EIF4G3: variants seen among roughly 807,000 people sequenced by gnomAD.
EIF4G3 encodes eIF-4-gamma 3.
Under a neutral mutation model 186.4 loss-of-function variants are expected in EIF4G3, and 34 were observed. The ratio of observed to expected loss-of-function variants is 0.18; its 90% CI spans 0.14 to 0.24. The LOEUF is 0.24. Ranked by LOEUF, EIF4G3 falls within the 10% of genes least tolerant of loss-of-function variation. The pLI is 1.00. For synonymous variants in EIF4G3, 673 were observed against 679.5 expected, an observed-to-expected ratio of 0.99 and a Z score of 0.15; for missense variants, 1,536 against 1,948.5, an observed-to-expected ratio of 0.79 and a Z score of 3.99.
chr1:21,090,180 G>T (rs929444347), intron 2 of EIF4G3, among the ~76,000 whole-genome samples: 2 of 151,986 alleles, frequency 1.3e-5, no homozygotes, highest in African/African-American at 4.8e-5. Flanking sequence ...TTACATAGAT[G>T]GTATGCAATA....
At chr1:20,889,980 G>GTT (rs1003364631) in intron 18 of EIF4G3, among the ~76,000 whole-genome samples, 5 of 140,658 alleles carry the variant, frequency 3.6e-5, no homozygotes, top group Non-Finnish European at 3.1e-5. Flanking sequence ...TTGGTTTTTT[G>GTT]TTTTTTTTTT....
intron 2 of EIF4G3, among the ~76,000 whole-genome samples, chr1:21,147,807 CA>C (rs2097476233): frequency 1.3e-5 from 2 of 151,888 alleles, no homozygotes; most frequent in Admixed American, 1.3e-4. Flanking sequence ...ATCAAATCAA[CA>C]AAAATTGAAA....
chr1:20,808,889 C>A (rs899454036), intron 36 of EIF4G3, among the ~76,000 whole-genome samples: 2 of 152,074 alleles, frequency 1.3e-5, no homozygotes, highest in African/African-American at 4.8e-5. Context: ...TTATTATAGT[C>A]AGCTCTCCGA....
At chr1:21,162,939 G>T (rs1034354696) in intron 2 of EIF4G3, among the ~76,000 whole-genome samples, 9 of 152,172 alleles carry the variant, frequency 5.9e-5, no homozygotes, top group African/African-American at 2.2e-4. Context: ...TTATGGTTAG[G>T]CAAGTTGCCC....
At chr1:21,090,283 T>G (rs2096143625) in intron 2 of EIF4G3, among the ~76,000 whole-genome samples, 1 of 152,158 alleles carries the variant, frequency 6.6e-6, no homozygotes, top group African/African-American at 2.4e-5. Context: ...AAGACAAATT[T>G]CAGAAATAAA....
chr1:20,833,739 C>G (rs2065949610), intron 30 of EIF4G3, among the ~76,000 whole-genome samples: 1 of 152,088 alleles, frequency 6.6e-6, no homozygotes, highest in South Asian at 2.1e-4. Flanking sequence ...AAGCCTTTGA[C>G]AAAATTCAAC....
At chr1:21,003,651 G>T in intron 4 of EIF4G3, 1 of 356,432 alleles carries the variant, frequency 2.8e-6, no homozygotes, top group East Asian at 8.6e-5. Flanking sequence ...CTGACAGGAT[G>T]AGAGCAGATT....
At chr1:21,018,409 A>C (rs1317713094) in intron 4 of EIF4G3, among the ~76,000 whole-genome samples, 1 of 152,066 alleles carries the variant, frequency 6.6e-6, no homozygotes, top group African/African-American at 2.4e-5. Flanking sequence ...GTCTCTACTA[A>C]AAATACAGGG....
chr1:21,090,155 A>C (rs929587179), intron 2 of EIF4G3, among the ~76,000 whole-genome samples: 3 of 152,244 alleles, frequency 2.0e-5, no homozygotes, highest in Non-Finnish European at 2.9e-5. Flanking sequence ...AGTACAAGCA[A>C]AACTATTAGT....
intron 14 of EIF4G3, among the ~76,000 whole-genome samples, chr1:20,938,827 G>A (rs2095605792): frequency 1.3e-5 from 2 of 152,146 alleles, no homozygotes; most frequent in Non-Finnish European, 2.9e-5. Flanking sequence ...ACAAACTGCT[G>A]GCCAGGTGTG....
intron 34 of EIF4G3, 91 bp from the exon 35 acceptor site, chr1:20,813,330 G>A (rs1284670136): frequency 3.7e-5 from 29 of 785,172 alleles, no homozygotes; most frequent in South Asian, 3.2e-4. Context: ...TTGGGAGGCC[G>A]AGACAGGAGG....
At chr1:21,079,108 G>A (rs1339625001) in intron 3 of EIF4G3, among the ~76,000 whole-genome samples, 1 of 152,138 alleles carries the variant, frequency 6.6e-6, no homozygotes, top group Non-Finnish European at 1.5e-5. Context: ...TAGTTTAAAT[G>A]ATATATTTGC....
chr1:21,072,173 A>T (rs1042309210), intron 3 of EIF4G3, among the ~76,000 whole-genome samples: 1 of 152,198 alleles, frequency 6.6e-6, no homozygotes, highest in Non-Finnish European at 1.5e-5. Flanking sequence ...TTCTAAGGTA[A>T]TAAAGTTGGA....
At chr1:20,870,501 C>A (rs1231834048) in intron 20 of EIF4G3, among the ~76,000 whole-genome samples, 1 of 152,128 alleles carries the variant, frequency 6.6e-6, no homozygotes, top group Non-Finnish European at 1.5e-5. Context: ...ACAACTATTA[C>A]CTGCCAAGAA....
intron 2 of EIF4G3, among the ~76,000 whole-genome samples, chr1:21,171,971 T>G (rs997193240): frequency 6.6e-6 from 1 of 152,034 alleles, no homozygotes; most frequent in Non-Finnish European, 1.5e-5. Context: ...CGAGATGCAC[T>G]GGGAAGGAGA....
chr1:20,893,684 C>G, intron 17 of EIF4G3, 48 bp from the exon 18 acceptor site: 1 of 1,436,206 alleles, frequency 7.0e-7, no homozygotes, highest in South Asian at 1.6e-5. Flanking sequence ...CAGAGCATTC[C>G]CTGCCACAAA....
intron 3 of EIF4G3, among the ~76,000 whole-genome samples, chr1:21,088,033 C>A (rs112179683): frequency 1.1e-3 from 162 of 151,756 alleles, no homozygotes; most frequent in African/African-American, 3.8e-3. Flanking sequence ...GAGTTCAAGG[C>A]TGCAGTAATC....
At chr1:21,022,982 C>T (rs1413271943) in intron 4 of EIF4G3, among the ~76,000 whole-genome samples, 2 of 152,100 alleles carry the variant, frequency 1.3e-5, no homozygotes, top group Non-Finnish European at 2.9e-5. Context: ...ATTAGTAGTA[C>T]CCTCAGTTAA....
chr1:21,026,908 G>A lies in EIF4G3; in HGVS notation c.-67+23958C>T, dbSNP rs554045075. On this transcript the variant is annotated intron_variant, in intron 4 of 36. Transcript: ENST00000602326. ...GCTGAGATCGCACCACTGCACTCCA[G>A]CCTGCGTGACAGAGGGAGACACTGT... Among the ~76,000 whole-genome samples the A allele has an allele frequency of 3.8e-4, 54 of 143,032 alleles. 1 individual carries two copies. Among genetic ancestry groups the A allele is most frequent in the African/African-American group, 1.2e-3 (47 of 38,570 alleles). 93.8% of individuals were successfully genotyped at this position (143,032 alleles called of 152,430 possible).
Sources: allele counts gnomAD v4.1 joint callset (sites outside exome capture counted in the v4.1 genomes callset), GRCh38; gene constraint gnomAD v4.1.1; transcripts MANE v1.5; gene names NCBI Gene and HGNC (gene_info 2026-07-23, HGNC 2026-07-21).